ARHGEF3: variants seen among roughly 807,000 people sequenced by gnomAD.
ARHGEF3 encodes the protein Rho guanine nucleotide exchange factor 3.
A neutral mutation model predicts 63.2 loss-of-function variants in ARHGEF3; 28 were observed. The observed-to-expected ratio is 0.44, with a 90% CI of 0.33 to 0.61. The LOEUF is 0.61. ARHGEF3 is among the 20% of genes least tolerant of loss of function. ARHGEF3 has a pLI of 0.03. For missense variants in ARHGEF3, 533 were observed against 659.3 expected, an observed-to-expected ratio of 0.81 and a Z score of 2.10; for synonymous variants, 266 against 254.2, an observed-to-expected ratio of 1.05 and a Z score of -0.44.
chr3:56,843,314 C>T (rs1296480178), intron 4 of ARHGEF3, among the ~76,000 whole-genome samples: 2 of 152,146 alleles, frequency 1.3e-5, no homozygotes, highest in East Asian at 3.8e-4. Context: ...GGCTAGAGTA[C>T]AAGGGCATGA....
chr3:56,818,421 T>G (rs906752438), intron 4 of ARHGEF3, among the ~76,000 whole-genome samples: 6 of 152,180 alleles, frequency 3.9e-5, no homozygotes, highest in African/African-American at 1.4e-4. Context: ...GTGAGGGGGC[T>G]GGTGGAGATA....
At chr3:56,894,393 A>G (rs2041231784) in intron 3 of ARHGEF3, among the ~76,000 whole-genome samples, 1 of 152,192 alleles carries the variant, frequency 6.6e-6, no homozygotes, top group Non-Finnish European at 1.5e-5. Flanking sequence ...TGAGTATCCT[A>G]CTGTTCCTGT....
intron 3 of ARHGEF3, among the ~76,000 whole-genome samples, chr3:56,885,944 AC>A (rs1328413175): frequency 6.6e-6 from 1 of 152,172 alleles, no homozygotes; most frequent in Admixed American, 6.5e-5. Context: ...TCACTAAGTC[AC>A]TTGTTCATTT....
At chr3:56,851,004 C>T (rs558852675) in intron 4 of ARHGEF3, among the ~76,000 whole-genome samples, 4 of 152,184 alleles carry the variant, frequency 2.6e-5, no homozygotes, top group Admixed American at 6.5e-5. Flanking sequence ...GAATCCCAGG[C>T]GGTCAGGCTC....
chr3:56,922,076 CAA>C (rs375472581), intron 3 of ARHGEF3, among the ~76,000 whole-genome samples: 3,432 of 139,122 alleles, frequency 0.025, 108 homozygotes, highest in African/African-American at 0.081. Context: ...AAAGTGAATG[CAA>C]AAAAAAAAAA....
intron 4 of ARHGEF3, among the ~76,000 whole-genome samples, chr3:56,843,865 A>T (rs1424690912): frequency 6.6e-6 from 1 of 152,150 alleles, no homozygotes; most frequent in African/African-American, 2.4e-5. Context: ...ATGAATGGCA[A>T]TTTGAGGGAG....
chr3:56,944,129 C>T (rs927304091), intron 3 of ARHGEF3, among the ~76,000 whole-genome samples: 3 of 152,164 alleles, frequency 2.0e-5, no homozygotes, highest in African/African-American at 7.2e-5. Context: ...GCCGAAATCA[C>T]TCCACTGCAC....
intron 4 of ARHGEF3, among the ~76,000 whole-genome samples, chr3:56,832,097 T>TAG (rs71072199): frequency 0.32 from 48,931 of 152,036 alleles, 8,552 homozygotes; most frequent in East Asian, 0.59. Flanking sequence ...AGTGGGATCT[T>TAG]AGCAGGCAAA....
Position 56,784,355 on chromosome 3 carries a change from C to T in ARHGEF3, c.97-10539G>A, listed in dbSNP as rs1045281624. On this transcript the variant is annotated intron_variant, in intron 1 of 9. Coordinates refer to ENST00000296315, the MANE Select transcript of ARHGEF3 (RefSeq NM_019555.3). ...TGCCTATAATGCCACACCCATCCGC[C>T]GGTCTGGAAAATGGGGCTGGACATC... 3.3e-5 allele frequency among the ~76,000 whole-genome samples: 5 copies of T among 152,146 alleles called. 1 individual carries two copies. The highest frequency in any genetic ancestry group is 4.1e-4 in the South Asian group (2 of 4,832).
At chr3:57,004,793 C>A (rs1261313569) in intron 2 of ARHGEF3, among the ~76,000 whole-genome samples, 1 of 152,118 alleles carries the variant, frequency 6.6e-6, no homozygotes, top group Non-Finnish European at 1.5e-5. Context: ...TAGTGAGACC[C>A]TGTCTCCGTT....
At chr3:56,751,255 A>T (rs1053313352) in intron 5 of ARHGEF3, 45 bp downstream of exon 5, 1 of 1,566,198 alleles carries the variant, frequency 6.4e-7, no homozygotes, top group Non-Finnish European at 8.8e-7. Flanking sequence ...AAGACAACTC[A>T]GTTAAGGCTA....
At chr3:57,026,726 T>G (rs1159825557) in intron 2 of ARHGEF3, among the ~76,000 whole-genome samples, 1 of 152,220 alleles carries the variant, frequency 6.6e-6, no homozygotes, top group African/African-American at 2.4e-5. Context: ...TTCCTGCCTG[T>G]TGTGCTACAT....
chr3:56,775,049 A>G, intron 1 of ARHGEF3: 2 of 1,551,454 alleles, frequency 1.3e-6, no homozygotes, highest in Non-Finnish European at 8.7e-7. Flanking sequence ...TAGACAGCAC[A>G]TGAAGATACC....
chr3:56,882,278 AG>A (rs780557855), intron 4 of ARHGEF3: 3 of 1,550,102 alleles, frequency 1.9e-6, no homozygotes, highest in Admixed American at 2.0e-5. Context: ...GGGGGAAGAA[AG>A]GACTATACTT....
chr3:57,022,525 A>C (rs925202283), intron 2 of ARHGEF3, among the ~76,000 whole-genome samples: 13 of 152,214 alleles, frequency 8.5e-5, no homozygotes, highest in African/African-American at 2.9e-4. Flanking sequence ...ATAAATGATT[A>C]TTCCAGAAAA....
chr3:57,028,761 A>G (rs985768981), intron 2 of ARHGEF3, among the ~76,000 whole-genome samples: 1 of 151,848 alleles, frequency 6.6e-6, no homozygotes, highest in Admixed American at 6.6e-5. Flanking sequence ...CGGGGTGAAC[A>G]ATATGTGTTG....
intron 2 of ARHGEF3, among the ~76,000 whole-genome samples, chr3:56,962,611 AAG>A (rs544727234): frequency 1.6e-4 from 24 of 152,206 alleles, no homozygotes; most frequent in Non-Finnish European, 3.1e-4. Context: ...GGTGAGCAGC[AAG>A]AGAGAAACTT....
intron 1 of ARHGEF3, among the ~76,000 whole-genome samples, chr3:57,073,086 A>G (rs1461964562): frequency 6.6e-6 from 1 of 152,102 alleles, no homozygotes; most frequent in East Asian, 1.9e-4. Context: ...TTGGTAAGCA[A>G]TACATACAAA....
chr3:56,994,275 G>A (rs1348245855), intron 2 of ARHGEF3, among the ~76,000 whole-genome samples: 1 of 151,938 alleles, frequency 6.6e-6, no homozygotes, highest in Non-Finnish European at 1.5e-5. Flanking sequence ...AAAAAGCACG[G>A]CAAGGAAACG....
Sources: allele counts gnomAD v4.1 joint callset (sites outside exome capture counted in the v4.1 genomes callset), GRCh38; gene constraint gnomAD v4.1.1; transcripts MANE v1.5; gene names NCBI Gene and HGNC (gene_info 2026-07-23, HGNC 2026-07-21).